CACNA1B: variants seen among roughly 807,000 people sequenced by gnomAD.
CACNA1B encodes voltage-dependent N-type calcium channel subunit alpha-1B.
A neutral mutation model predicts 247.2 loss-of-function variants in CACNA1B; 70 were observed. The ratio of observed to expected loss-of-function variants is 0.28; its 90% CI spans 0.23 to 0.35. The LOEUF (loss-of-function observed/expected upper bound fraction) is 0.35, where lower values mean the gene tolerates loss of function less well. Ranked by LOEUF, CACNA1B falls within the 10% of genes least tolerant of loss-of-function variation. The pLI is 1.00. For missense variants in CACNA1B, 2,367 were observed against 3,197.4 expected, an observed-to-expected ratio of 0.74 and a Z score of 6.26; for synonymous variants, 1,231 against 1,294.4, an observed-to-expected ratio of 0.95 and a Z score of 1.05.
rs561240911 is a variant in CACNA1B, at chr9:138,074,775, G to A, written c.4857+709G>A. 1.3e-3 allele frequency among the ~76,000 whole-genome samples: 196 copies of A among 152,348 alleles called. 2 individuals carry two copies. Among genetic ancestry groups the A allele is most frequent in the African/African-American group, 4.3e-3 (179 of 41,592 alleles). On this transcript the variant is annotated intron_variant, in intron 34 of 46. Coordinates refer to ENST00000371372, the MANE Select transcript of CACNA1B (RefSeq NM_000718.4). ...TGGGTGCTGGCTGTGTGGTGGAGGCGCGTTGGAGCACAGCTGTGTTTGCCG... is the reference window on the plus strand; with the variant it reads ...TGGGTGCTGGCTGTGTGGTGGAGGCACGTTGGAGCACAGCTGTGTTTGCCG...
intron 12 of CACNA1B, among the ~76,000 whole-genome samples, chr9:137,978,741 C>G (rs903487116): frequency 6.6e-6 from 1 of 152,208 alleles, no homozygotes; most frequent in Non-Finnish European, 1.5e-5. Flanking sequence ...CAAGGACTCT[C>G]ATTTTACTGA....
chr9:138,120,467 C>A, intron 45 of CACNA1B, 95 bp downstream of exon 45: 1 of 1,408,066 alleles, frequency 7.1e-7, no homozygotes, highest in Non-Finnish European at 9.5e-7. Context: ...CTTTGTGGGC[C>A]TCGTGACCCC....
At chr9:138,077,822 G>C (rs772624736) in intron 35 of CACNA1B, among the ~76,000 whole-genome samples, 2 of 152,262 alleles carry the variant, frequency 1.3e-5, no homozygotes, top group Non-Finnish European at 2.9e-5. Flanking sequence ...CTGGGAGGAG[G>C]TCAGGAGTAC....
chr9:138,076,491 C>T (rs932675592), intron 35 of CACNA1B, among the ~76,000 whole-genome samples: 1 of 152,184 alleles, frequency 6.6e-6, no homozygotes, highest in Non-Finnish European at 1.5e-5. Context: ...CTGGATCCAG[C>T]CAAGCCAAGT....
intron 6 of CACNA1B, among the ~76,000 whole-genome samples, chr9:137,920,410 TG>T (rs761471135): frequency 1.3e-5 from 2 of 152,310 alleles, no homozygotes; most frequent in Admixed American, 1.3e-4. Flanking sequence ...TTGGCCAGGC[TG>T]GTCTTGAACT....
intron 36 of CACNA1B, among the ~76,000 whole-genome samples, chr9:138,095,018 C>T (rs898412015): frequency 2.0e-5 from 3 of 152,064 alleles, no homozygotes; most frequent in Admixed American, 1.3e-4. Flanking sequence ...TAGAAGAATA[C>T]ATAAAGGATA....
chr9:137,921,713 C>T (rs1392299219), intron 6 of CACNA1B, among the ~76,000 whole-genome samples: 2 of 149,002 alleles, frequency 1.3e-5, no homozygotes, highest in Admixed American at 6.6e-5. Flanking sequence ...GCACCACGAC[C>T]GCACAGCATC....
chr9:138,038,958 G>C (rs1355304494), intron 20 of CACNA1B, among the ~76,000 whole-genome samples: 1 of 152,126 alleles, frequency 6.6e-6, no homozygotes, highest in Non-Finnish European at 1.5e-5. Context: ...GCCAATGTGG[G>C]TGGATCACCT....
rs746813106 is a variant in CACNA1B, at chr9:138,051,372, C to T, written c.3711-720C>T. The stretch of plus-strand genomic sequence containing the variant: ...GCCTGGAATTTTCTTTCCCCGACTT[C>T]CTGCCTTGCCGTCCCTGCTCTGCAT... On this transcript the variant is annotated intron_variant, in intron 24 of 46. Transcript: ENST00000371372. The surrounding 1 kb of genome is among the most constrained non-coding windows in gnomAD (Gnocchi z 4.3). Among the ~76,000 whole-genome samples the T allele has an allele frequency of 6.6e-6, 1 of 151,718 alleles. No homozygotes were observed. Among genetic ancestry groups the T allele is most frequent in the Non-Finnish European group, 1.5e-5 (1 of 67,980 alleles).
At chr9:137,994,713 G>A (rs1157571957) in intron 15 of CACNA1B, among the ~76,000 whole-genome samples, 4 of 152,094 alleles carry the variant, frequency 2.6e-5, no homozygotes, top group African/African-American at 4.8e-5. Context: ...AATCATAGAC[G>A]ACACAAACAA....
At chr9:138,040,433 A>G (rs1229358783) in intron 20 of CACNA1B, 1 of 155,982 alleles carries the variant, frequency 6.4e-6, no homozygotes, top group African/African-American at 2.4e-5. Flanking sequence ...TTAGAGAGAC[A>G]GAACTAATAG....
intron 10 of CACNA1B, among the ~76,000 whole-genome samples, chr9:137,965,081 C>T (rs964379738): frequency 6.6e-6 from 1 of 152,228 alleles, no homozygotes; most frequent in Non-Finnish European, 1.5e-5. Context: ...TAAGCTTTGT[C>T]CCAGGGGGTG....
rs1412870300 is a variant in CACNA1B at position 138,072,512 on chromosome 9, G to A, written c.4675-976G>A. 6.6e-6 allele frequency among the ~76,000 whole-genome samples: 1 copy of A among 152,262 alleles called. No homozygotes were observed. Among genetic ancestry groups the A allele is most frequent in the Non-Finnish European group, 1.5e-5 (1 of 68,046 alleles). On this transcript the variant is annotated intron_variant, in intron 32 of 46. Coordinates refer to ENST00000371372, the MANE Select transcript of CACNA1B (RefSeq NM_000718.4). This position sits in a 1 kb window ranked among gnomAD's most constrained non-coding sequence, Gnocchi z 4.5. ...GATGACTGAATCTGACAACACGAAC[G>A]TGTCTCTGAGCCTGAGCTGCTTGCA...
At chr9:137,984,316 A>G in intron 13 of CACNA1B, 66 bp downstream of exon 13, 2 of 1,137,922 alleles carry the variant, frequency 1.8e-6, no homozygotes, top group Middle Eastern at 2.1e-4. Context: ...TCAGCCACAC[A>G]GGGTGCTTGT....
intron 3 of CACNA1B, among the ~76,000 whole-genome samples, chr9:137,903,045 A>T (rs1393582046): frequency 6.6e-6 from 1 of 152,218 alleles, no homozygotes; most frequent in Non-Finnish European, 1.5e-5. Context: ...TTTCCTTGGG[A>T]CAAATGCCTA....
At chr9:137,879,740 G>C (rs1002528403) in intron 2 of CACNA1B, among the ~76,000 whole-genome samples, 8 of 152,192 alleles carry the variant, frequency 5.3e-5, no homozygotes, top group African/African-American at 1.4e-4. Flanking sequence ...TTGGAGCATA[G>C]AGTCTGTGTG....
rs1389542191 is a variant in CACNA1B, at chr9:137,881,869, T to G, written c.391-875T>G. ...GGAAAGGGATCTTTTTAGGATCAGC[T>G]GTCTTCATTCCTTTGGCTGCTCTGT... On this transcript the variant is annotated intron_variant, in intron 2 of 46. Coordinates refer to ENST00000371372, the MANE Select transcript of CACNA1B (RefSeq NM_000718.4). The surrounding 1 kb of genome is among the most constrained non-coding windows in gnomAD (Gnocchi z 4.3). 1.3e-5 allele frequency among the ~76,000 whole-genome samples: 2 copies of G among 152,314 alleles called. No individual in the cohort carries two copies. Among genetic ancestry groups the G allele is most frequent in the Non-Finnish European group, 1.5e-5 (1 of 68,024 alleles).
chr9:138,033,178 T>C (rs1959005374), intron 20 of CACNA1B, among the ~76,000 whole-genome samples: 1 of 152,250 alleles, frequency 6.6e-6, no homozygotes, highest in Non-Finnish European at 1.5e-5. Context: ...AGCCCATCTA[T>C]TGATTTTCTA....
chr9:138,112,973 G>A (rs1013836470), intron 40 of CACNA1B, among the ~76,000 whole-genome samples: 1 of 150,914 alleles, frequency 6.6e-6, no homozygotes, highest in African/African-American at 2.4e-5. Context: ...AGCATGGGGA[G>A]GTGCCCAACT....
Sources: allele counts gnomAD v4.1 joint callset (sites outside exome capture counted in the v4.1 genomes callset), GRCh38; gene constraint gnomAD v4.1.1; non-coding constraint Gnocchi (gnomAD v3.1); transcripts MANE v1.5; gene names NCBI Gene and HGNC (gene_info 2026-07-23, HGNC 2026-07-21).